Variants in VWF observed in about 807,000 individuals in gnomAD.
VWF encodes Factor VIII related antigen.
A neutral mutation model predicts 308.6 loss-of-function variants in VWF; 176 were observed. The observed-to-expected ratio is 0.57, with a 90% CI of 0.50 to 0.65. The LOEUF is 0.65. Among genes scored for constraint, VWF ranks in the 30% least tolerant of loss-of-function variants. The pLI, the probability that VWF is intolerant of heterozygous loss-of-function variation, is 0.00. For synonymous variants in VWF, 1,385 were observed against 1,443.4 expected, an observed-to-expected ratio of 0.96 and a Z score of 0.92; for missense variants, 3,146 against 3,648.2, an observed-to-expected ratio of 0.86 and a Z score of 3.55.
intron 47 of VWF, among the ~76,000 whole-genome samples, chr12:5,963,945 C>A (rs150937993): frequency 6.6e-6 from 1 of 152,134 alleles, no homozygotes; most frequent in East Asian, 1.9e-4. Flanking sequence ...CAGTGGCTCA[C>A]GCCTGTAATC....
At chr12:6,074,425 T>C (rs1377723941) in intron 7 of VWF, among the ~76,000 whole-genome samples, 1 of 149,898 alleles carries the variant, frequency 6.7e-6, no homozygotes, top group Non-Finnish European at 1.5e-5. Flanking sequence ...CACCAAACTA[T>C]TGCCCCTTAA....
chr12:6,079,429 AC>A (rs1565855664), intron 6 of VWF, among the ~76,000 whole-genome samples: 3 of 151,322 alleles, frequency 2.0e-5, no homozygotes, highest in East Asian at 3.9e-4. Flanking sequence ...ACACGGTGAA[AC>A]CCCATCTCTA....
At chr12:6,043,555 G>A (rs1206742841) in intron 18 of VWF, among the ~76,000 whole-genome samples, 1 of 152,160 alleles carries the variant, frequency 6.6e-6, no homozygotes, top group Non-Finnish European at 1.5e-5. Context: ...CCTTCAGGAT[G>A]TATGCGTAAT....
chr12:5,969,597 C>A (rs111566341), intron 44 of VWF, among the ~76,000 whole-genome samples: 36 of 152,342 alleles, frequency 2.4e-4, no homozygotes, highest in African/African-American at 8.2e-4. Context: ...GTCAAAATCA[C>A]CTGACTGAGG....
At chr12:6,059,823 T>C (rs1944634070) in intron 13 of VWF, among the ~76,000 whole-genome samples, 1 of 152,230 alleles carries the variant, frequency 6.6e-6, no homozygotes, top group Non-Finnish European at 1.5e-5. Context: ...AACAAATGAA[T>C]GAATAAGTAA....
In VWF at chr12:6,046,871, C is replaced by G; in HGVS notation, c.2187-54G>C. 1 of 1,521,704 alleles carries G rather than the reference C, an allele frequency of 6.6e-7. No homozygotes were observed. The highest frequency in any genetic ancestry group is 9.1e-7 in the Non-Finnish European group (1 of 1,104,834). 94.3% of individuals were successfully genotyped at this position (1,521,704 alleles called of 1,614,324 possible). Reference sequence around the variant, plus strand: ...TCACGAGACTCGTCTATACTCGCTGCCTCCACATCTTCACCTCCCACTCAC... The same window carrying G: ...TCACGAGACTCGTCTATACTCGCTGGCTCCACATCTTCACCTCCCACTCAC... On this transcript the variant is annotated intron_variant, in intron 16 of 51. Transcript: ENST00000261405. This position sits in a 1 kb window ranked among gnomAD's most constrained non-coding sequence, Gnocchi z 5.0.
At chr12:5,988,063 G>A (rs190909800) in intron 38 of VWF, among the ~76,000 whole-genome samples, 47 of 152,216 alleles carry the variant, frequency 3.1e-4, no homozygotes, top group Admixed American at 2.7e-3. Flanking sequence ...ACTAAGATTG[G>A]GCACTCCAGA....
In VWF at chr12:5,981,961, G is replaced by A. The variant is rs1483383834; in HGVS notation, c.7112C>T (p.Ser2371Phe). Residue 2371 changes from serine to phenylalanine, a missense_variant, in exon 42 of 52, where the codon TCC becomes TTC. Transcript: ENST00000261405. ...ACRKEECKRV[S>F]PPSCPPHRLP... is the part of the protein sequence containing the mutation. The stretch of plus-strand genomic sequence containing the variant: ...ACGGTGCGGGGGGCAGGAGGGTGGG[G>A]ACACTCTTTTGCACTCCTCCTTCCT... The A allele has an allele frequency of 1.9e-6, 3 of 1,613,588 alleles. No homozygotes were observed. The highest frequency in any genetic ancestry group is 2.2e-5 in the South Asian group (2 of 91,056).
In VWF at chr12:6,022,888, G is replaced by A. The variant is rs1591865617; in HGVS notation, c.3390C>T (p.Cys1130=). 3 of 498,246 alleles carry A rather than the reference G, an allele frequency of 6.0e-6. No homozygotes were observed. Among genetic ancestry groups the A allele is most frequent in the Admixed American group, 3.6e-5 (1 of 27,570 alleles). 30.9% of individuals were successfully genotyped at this position (498,246 alleles called of 1,614,324 possible). A position where few individuals can be genotyped will look rare whatever the true frequency, so the allele number is the denominator to read the frequency against. ...CGTTCTCCCGGAGATTCCTCTCCTC[G>A]CAGCTCTGGGCTGTGTAGACAGGAG... is the stretch of plus-strand genomic sequence containing the variant. The part of the protein sequence containing the change: ...WRTATLCPQS[C]EERNLRENGY... Residue 1130 remains cysteine (C), a synonymous_variant, in exon 26 of 52, where the codon TGC becomes TGT. Coordinates refer to ENST00000261405, the MANE Select transcript of VWF (RefSeq NM_000552.5).
chr12:6,121,380 AC>A, intron 2 of VWF, 42 bp from the exon 3 acceptor site: 1 of 1,607,346 alleles, frequency 6.2e-7, no homozygotes, highest in Non-Finnish European at 8.5e-7. Context: ...ATCTCAGGGC[AC>A]AACTGGGACC....
chr12:5,978,913 G>A (rs144760400), intron 42 of VWF, among the ~76,000 whole-genome samples: 236 of 152,284 alleles, frequency 1.5e-3, no homozygotes, highest in African/African-American at 4.9e-3. Flanking sequence ...AGCCCAGCAC[G>A]CCTTATTGTT....
chr12:6,076,027 T>C (rs890242346), intron 6 of VWF, among the ~76,000 whole-genome samples: 1 of 152,138 alleles, frequency 6.6e-6, no homozygotes, highest in African/African-American at 2.4e-5. Flanking sequence ...GGTCTCACCC[T>C]AGGAGATCTG....
At position 6,103,859 on chromosome 12, in the gene VWF, A is replaced by G. The variant is rs950071024; in HGVS notation, c.532+6515T>C. Among the ~76,000 whole-genome samples the G allele has an allele frequency of 3.9e-5, 6 of 152,224 alleles. No homozygotes were observed. In the South Asian group the frequency reaches 1.2e-3, roughly 31 times the overall value. ...AACTGTACTGGACATTGGCCTAGGC[A>G]AGGAATTTCTGACTAAGACTTCAAA... is the stretch of plus-strand genomic sequence containing the variant. On this transcript the variant is annotated intron_variant, in intron 5 of 51. Transcript: ENST00000261405.
Position 6,046,740 on chromosome 12 carries a change from C to A in VWF, c.2264G>T (p.Ser755Ile), listed in dbSNP as rs755699566. The A allele has an allele frequency of 6.8e-6, 11 of 1,614,166 alleles. No homozygotes were observed. The South Asian group carries it at 1.2e-4, about 18-fold the overall frequency. The change falls in exon 17 of 52, where the codon AGT (serine) becomes ATT (isoleucine). Residue 755 changes from serine (S) to isoleucine (I), a missense_variant. Coordinates refer to ENST00000261405, the MANE Select transcript of VWF (RefSeq NM_000552.5). The surrounding 1 kb of genome is among the most constrained non-coding windows in gnomAD (Gnocchi z 5.0). ...GTACTCACTGCGATGAGACAGGGGA[C>A]TGCTGAGGACAGCGTCAGGCAGCAA... is the stretch of plus-strand genomic sequence containing the variant. ...GSLLPDAVLS[S>I]PLSHRSKRSL...
rs1480717862 is a variant in VWF at position 6,029,492 on chromosome 12, G to T, written c.2821-4C>A. The T allele has an allele frequency of 6.2e-7, 1 of 1,613,966 alleles. No individual in the cohort carries two copies. Among genetic ancestry groups the T allele is most frequent in the Non-Finnish European group, 8.5e-7 (1 of 1,180,010 alleles). ...TCATGGGCCTCTTCACATTCACCTG[G>T]AGGAAGACAAAGCAAGAAATCCAGG... On this transcript the variant is annotated splice_polypyrimidine_tract_variant and splice_region_variant and intron_variant, in intron 21 of 51. Transcript: ENST00000261405.
chr12:6,051,405 C>T (rs1190500861), intron 16 of VWF, among the ~76,000 whole-genome samples: 1 of 151,324 alleles, frequency 6.6e-6, no homozygotes, highest in African/African-American at 2.4e-5. Flanking sequence ...AATTCTCCTG[C>T]CTCAGCCTCC....
chr12:6,095,638 T>A, intron 5 of VWF, 54 bp from the exon 6 acceptor site: 2 of 1,613,444 alleles, frequency 1.2e-6, no homozygotes, highest in South Asian at 2.2e-5. Flanking sequence ...GTCCCAGAAC[T>A]TCTGGGTGAA....
chr12:6,075,213 T>C lies in VWF; in HGVS notation c.874+122A>G. 3 of 1,277,370 alleles carry C rather than the reference T, an allele frequency of 2.3e-6. No individual in the cohort carries two copies. The highest frequency in any genetic ancestry group is 1.3e-5 in the South Asian group (1 of 78,458). The allele number at this position is 1,277,370 out of a possible 1,614,324, so 79.1% of individuals were successfully genotyped here. Reference sequence around the variant, plus strand: ...CCGGGACACGTGGCTTTGTAGTCACTGGCTGGCTGGGTGTGGTAAAGCCGC... The same window carrying C: ...CCGGGACACGTGGCTTTGTAGTCACCGGCTGGCTGGGTGTGGTAAAGCCGC... On this transcript the variant is annotated intron_variant, in intron 7 of 51. Transcript: ENST00000261405. This position sits in a 1 kb window ranked among gnomAD's most constrained non-coding sequence, Gnocchi z 4.7.
intron 46 of VWF, 46 bp from the exon 47 acceptor site, chr12:5,967,648 C>G (rs746019505): frequency 2.7e-5 from 41 of 1,531,610 alleles, no homozygotes; most frequent in East Asian, 1.6e-4. Flanking sequence ...ATCCCCCAAC[C>G]CCCCACTCAC....
Sources: gnomAD v4.1 joint callset for allele counts (sites outside exome capture counted in the v4.1 genomes callset) on GRCh38, gnomAD v4.1.1 for gene constraint, Gnocchi (gnomAD v3.1) non-coding constraint, MANE v1.5 for transcripts, NCBI Gene and HGNC (gene_info 2026-07-23, HGNC 2026-07-21) for gene names.